ANKUB1: variants seen among roughly 807,000 people sequenced by gnomAD.
ANKUB1 encodes ankyrin repeat and ubiquitin domain containing 1.
In ANKUB1, 42 loss-of-function variants were observed where a neutral mutation model predicts 49.3. The observed-to-expected ratio is 0.85, with a 90% CI of 0.67 to 1.10. ANKUB1 has a LOEUF of 1.10. ANKUB1 is among the 50% of genes least tolerant of loss of function. The pLI is 0.00. For synonymous variants in ANKUB1, 222 were observed against 231.0 expected (o/e 0.96, Z 0.35); for missense variants, 613 against 642.0 (o/e 0.95, Z 0.49).
chr3:149,790,750 T>C lies in ANKUB1; in HGVS notation c.234+31A>G, dbSNP rs73009615. On this transcript the variant is annotated intron_variant, in intron 2 of 5. Coordinates refer to ENST00000446160, the MANE Select transcript of ANKUB1 (RefSeq NM_001144960.3). ...AACTTTATTCAAAATGAGATAGATATCTTAGACGAATATTATCCTGACCAT... is the reference window on the plus strand; with the variant it reads ...AACTTTATTCAAAATGAGATAGATACCTTAGACGAATATTATCCTGACCAT... 3,396 of 1,525,216 alleles carry C rather than the reference T, an allele frequency of 2.2e-3. 68 individuals carry two copies. In the African/African-American group the frequency reaches 0.042, roughly 19 times the overall value. 94.5% of individuals were successfully genotyped at this position (1,525,216 alleles called of 1,614,324 possible).
intron 4 of ANKUB1, among the ~76,000 whole-genome samples, 177 bp from the exon 5 acceptor site, chr3:149,768,272 T>C (rs559047654): frequency 1.3e-5 from 2 of 152,368 alleles, no homozygotes; most frequent in South Asian, 4.1e-4. Flanking sequence ...GCACAAGTCC[T>C]GCTTATACAC....
Position 149,767,552 on chromosome 3 carries a change from T to C in ANKUB1, c.1110A>G (p.Ser370=). 6 of 1,551,706 alleles carry C rather than the reference T, an allele frequency of 3.9e-6. No individual in the cohort carries two copies. Among genetic ancestry groups the C allele is most frequent in the Non-Finnish European group, 5.2e-6 (6 of 1,147,002 alleles). ...ATGGTAGCTTGAGCACGATGCTTTG[T>C]GAGTCGCTGTTCCCAGCCTTATGCC... ...KSWHKAGNSD[S]QSIVLKLPSL... The change falls in exon 5 of 6, where the codon TCA becomes TCG. Residue 370 remains serine, a synonymous_variant. Transcript: ENST00000446160.
intron 5 of ANKUB1, among the ~76,000 whole-genome samples, chr3:149,764,241 A>T (rs548122176): frequency 2.6e-5 from 4 of 152,114 alleles, no homozygotes; most frequent in Admixed American, 2.6e-4. Flanking sequence ...AGGTAGATGT[A>T]AGTGCTTTTG....
At chr3:149,789,468 G>A (rs1013550677) in intron 2 of ANKUB1, among the ~76,000 whole-genome samples, 2 of 152,116 alleles carry the variant, frequency 1.3e-5, no homozygotes, top group African/African-American at 4.8e-5. Context: ...GGTCTGCTTT[G>A]AAATGTAATG....
intron 2 of ANKUB1, 34 bp downstream of exon 2, chr3:149,790,747 A>G: frequency 6.6e-7 from 1 of 1,517,200 alleles, no homozygotes; most frequent in South Asian, 1.3e-5. Context: ...AATGAGATAG[A>G]TATCTTAGAC....
chr3:149,781,511 G>A (rs552773467), intron 2 of ANKUB1, among the ~76,000 whole-genome samples: 15 of 152,266 alleles, frequency 9.9e-5, no homozygotes, highest in South Asian at 2.1e-4. Flanking sequence ...CCATGAATGC[G>A]GGACTCTCTC....
chr3:149,764,949 C>A (rs1392977906), intron 5 of ANKUB1, among the ~76,000 whole-genome samples: 2 of 151,922 alleles, frequency 1.3e-5, no homozygotes, highest in Non-Finnish European at 2.9e-5. Flanking sequence ...TATGACCCGG[C>A]AATTCTATTC....
At chr3:149,789,724 G>A (rs1405643813) in intron 2 of ANKUB1, among the ~76,000 whole-genome samples, 1 of 151,552 alleles carries the variant, frequency 6.6e-6, no homozygotes, top group African/African-American at 2.4e-5. Flanking sequence ...CCCCCTCCTG[G>A]GTTCAAGTGA....
chr3:149,772,961 A>G (rs940281863), intron 3 of ANKUB1, among the ~76,000 whole-genome samples: 1 of 152,204 alleles, frequency 6.6e-6, no homozygotes, highest in Non-Finnish European at 1.5e-5. Context: ...AGGTGAAGAT[A>G]GATCTTAAAA....
chr3:149,766,944 G>T lies in ANKUB1; in HGVS notation c.1505+213C>A, dbSNP rs940099902. 32 of 1,080,580 alleles carry T rather than the reference G, an allele frequency of 3.0e-5. 1 individual carries two copies. Among genetic ancestry groups the T allele is most frequent in the Non-Finnish European group, 4.4e-5 (32 of 735,018 alleles). 66.9% of individuals were successfully genotyped at this position (1,080,580 alleles called of 1,614,324 possible). A position where few individuals can be genotyped will look rare whatever the true frequency, so the allele number is the denominator to read the frequency against. Reference sequence around the variant, plus strand: ...TTTCTTTCCCTCCTGAAAGTTTGAGGAGTAAAGTACTGCACAGATTGGATT... The same window carrying T: ...TTTCTTTCCCTCCTGAAAGTTTGAGTAGTAAAGTACTGCACAGATTGGATT... On this transcript the variant is annotated intron_variant, in intron 5 of 5. Transcript: ENST00000446160.
chr3:149,783,274 C>T (rs1193799625), intron 2 of ANKUB1: 1 of 152,204 alleles, frequency 6.6e-6, no homozygotes, highest in Non-Finnish European at 1.5e-5. Context: ...TGATACTCCT[C>T]CCCAAGTATT....
intron 3 of ANKUB1, among the ~76,000 whole-genome samples, chr3:149,775,251 C>CTT (rs1465395090): frequency 6.6e-5 from 10 of 152,166 alleles, no homozygotes; most frequent in Non-Finnish European, 1.3e-4. Context: ...CTGATTTGGA[C>CTT]TTTTTCTTCC....
At chr3:149,776,688 C>T (rs1273837405) in intron 3 of ANKUB1, among the ~76,000 whole-genome samples, 2 of 152,176 alleles carry the variant, frequency 1.3e-5, no homozygotes, top group Admixed American at 6.5e-5. Flanking sequence ...GGGCCAGGTG[C>T]AGTAGCTCAC....
At chr3:149,777,496 A>ACAG (rs1717654642) in intron 3 of ANKUB1, among the ~76,000 whole-genome samples, 1 of 151,384 alleles carries the variant, frequency 6.6e-6, no homozygotes, top group Admixed American at 6.6e-5. Flanking sequence ...AACAACAACA[A>ACAG]CAACAAAAAA....
chr3:149,781,790 T>C (rs1162428422), intron 2 of ANKUB1, among the ~76,000 whole-genome samples: 1 of 152,208 alleles, frequency 6.6e-6, no homozygotes, highest in Non-Finnish European at 1.5e-5. Context: ...TACTTTGATC[T>C]AGGGCCCATT....
At chr3:149,770,840 A>G (rs954771043) in intron 3 of ANKUB1, among the ~76,000 whole-genome samples, 166 bp from the exon 4 acceptor site, 38 of 152,232 alleles carry the variant, frequency 2.5e-4, no homozygotes, top group African/African-American at 9.2e-4. Context: ...ATAGGCCATT[A>G]TTGGCTTGGA....
intron 3 of ANKUB1, among the ~76,000 whole-genome samples, chr3:149,774,592 C>T (rs1034808881): frequency 1.3e-5 from 2 of 152,298 alleles, no homozygotes; most frequent in East Asian, 1.9e-4. Context: ...CAGAGAGGAC[C>T]GTACGATTTA....
chr3:149,763,065 A>G (rs919481381), intron 5 of ANKUB1, among the ~76,000 whole-genome samples: 1 of 152,250 alleles, frequency 6.6e-6, no homozygotes, highest in African/African-American at 2.4e-5. Flanking sequence ...TGTTTCCAAC[A>G]TTTGAACCAG....
chr3:149,778,497 T>C lies in ANKUB1; in HGVS notation c.451+1742A>G, dbSNP rs1576676875. The C allele has an allele frequency of 2.0e-5, 3 of 152,334 alleles. No individual in the cohort carries two copies. The South Asian group carries it at 6.2e-4, about 32-fold the overall frequency. The allele number at this position is 152,334 out of a possible 1,614,324, so 9.4% of individuals were successfully genotyped here. On this transcript the variant is annotated intron_variant, in intron 3 of 5. Transcript: ENST00000446160. ...ATCTGAACAGTATAAGCCTGAAGAA[T>C]AGTCAACCAGAGTTTTTCCTAGTTT...
Sources: gnomAD v4.1 joint callset for allele counts (sites outside exome capture counted in the v4.1 genomes callset) on GRCh38, gnomAD v4.1.1 for gene constraint, MANE v1.5 for transcripts, NCBI Gene and HGNC (gene_info 2026-07-23, HGNC 2026-07-21) for gene names.